Variants in VPS13B observed in about 807,000 individuals in gnomAD.
VPS13B encodes the protein intermembrane lipid transfer protein VPS13B.
VPS13B carries 285 observed loss-of-function variants against 426.4 expected under a neutral mutation model. That is an observed-to-expected ratio of 0.67 (90% CI 0.61 to 0.74). The LOEUF is 0.74. VPS13B is among the 30% of genes least tolerant of loss of function. The probability of loss-of-function intolerance (pLI) is 0.00; values close to 1 mark genes in which losing one functional copy is unlikely to be tolerated. For missense variants in VPS13B, 4,537 were observed against 4,782.6 expected, an observed-to-expected ratio of 0.95 and a Z score of 1.51; for synonymous variants, 1,676 against 1,676.4, an observed-to-expected ratio of 1.00 and a Z score of 0.01.
At chr8:99,281,579 T>C (rs4446702) in intron 19 of VPS13B, among the ~76,000 whole-genome samples, 126,387 of 152,196 alleles carry the variant, frequency 0.83, 53,029 homozygotes, top group African/African-American at 0.89. Context: ...AACGTGCACA[T>C]CATCACCTCT....
chr8:99,804,574 T>A (rs1190202631), intron 43 of VPS13B, among the ~76,000 whole-genome samples: 5 of 152,242 alleles, frequency 3.3e-5, no homozygotes. Flanking sequence ...ATATCACCAC[T>A]GACATTTTAA....
At chr8:99,034,020 G>T (rs1440560331) in intron 2 of VPS13B, among the ~76,000 whole-genome samples, 1 of 152,096 alleles carries the variant, frequency 6.6e-6, no homozygotes, top group Non-Finnish European at 1.5e-5. Flanking sequence ...TGTTTCTATT[G>T]ACTATTTTTA....
At chr8:99,722,257 A>T (rs1172472169) in intron 39 of VPS13B, among the ~76,000 whole-genome samples, 1 of 152,162 alleles carries the variant, frequency 6.6e-6, no homozygotes, top group African/African-American at 2.4e-5. Flanking sequence ...TTCATTCTGT[A>T]TTGCATTTCC....
intron 21 of VPS13B, among the ~76,000 whole-genome samples, chr8:99,412,069 T>G (rs980923449): frequency 1.3e-5 from 2 of 152,360 alleles, no homozygotes; most frequent in Non-Finnish European, 2.9e-5. Context: ...AAAGTAGTTT[T>G]TTTATAATTC....
chr8:99,585,438 A>G (rs1420644603), intron 33 of VPS13B, among the ~76,000 whole-genome samples: 1 of 152,214 alleles, frequency 6.6e-6, no homozygotes, highest in Non-Finnish European at 1.5e-5. Flanking sequence ...ACAATCCTCA[A>G]CAAAATGCTA....
chr8:99,676,661 C>T (rs1051004734), intron 35 of VPS13B, among the ~76,000 whole-genome samples: 7 of 151,592 alleles, frequency 4.6e-5, no homozygotes, highest in Non-Finnish European at 8.8e-5. Flanking sequence ...GTACTGTGAT[C>T]GCTCACCTCA....
chr8:99,043,125 T>G (rs1843049890), intron 3 of VPS13B, among the ~76,000 whole-genome samples: 2 of 152,154 alleles, frequency 1.3e-5, no homozygotes, highest in Non-Finnish European at 1.5e-5. Flanking sequence ...TTTCCATACT[T>G]TCACAGGACG....
rs536451148 is a variant in VPS13B, at chr8:99,713,504, A to G, written c.6455-3667A>G. 2.6e-5 allele frequency among the ~76,000 whole-genome samples: 4 copies of G among 152,372 alleles called. No individual in the cohort carries two copies. The South Asian group carries it at 8.3e-4, about 32-fold the overall frequency. ...TACAAATAAGGAAGGCGAGAAGACT[A>G]GAAACCACCCTGTGATGTTGGATTT... On this transcript the variant is annotated intron_variant, in intron 36 of 61. Coordinates refer to ENST00000357162, the MANE Select transcript of VPS13B (RefSeq NM_152564.5).
At chr8:99,264,064 G>T (rs1279611215) in intron 17 of VPS13B, among the ~76,000 whole-genome samples, 4 of 151,860 alleles carry the variant, frequency 2.6e-5, no homozygotes, top group Non-Finnish European at 4.4e-5. Context: ...TAACTGTCTT[G>T]GAGTTAATAA....
chr8:99,729,676 G>A (rs964470456), intron 39 of VPS13B, among the ~76,000 whole-genome samples: 4 of 152,178 alleles, frequency 2.6e-5, no homozygotes, highest in Non-Finnish European at 5.9e-5. Flanking sequence ...ACAATGTAAT[G>A]TTTAATGTCT....
intron 21 of VPS13B, among the ~76,000 whole-genome samples, chr8:99,396,586 A>G (rs1441337739): frequency 6.6e-6 from 1 of 151,366 alleles, no homozygotes; most frequent in Non-Finnish European, 1.5e-5. Context: ...CTACTATTTC[A>G]TCTCTAATAC....
intron 19 of VPS13B, among the ~76,000 whole-genome samples, chr8:99,287,125 T>C (rs755230180): frequency 7.2e-5 from 11 of 152,174 alleles, no homozygotes; most frequent in Non-Finnish European, 1.6e-4. Flanking sequence ...TAATGTGTTC[T>C]AACTTCTAAG....
At chr8:99,631,552 A>G (rs1465885410) in intron 33 of VPS13B, among the ~76,000 whole-genome samples, 3 of 152,120 alleles carry the variant, frequency 2.0e-5, no homozygotes, top group Admixed American at 6.6e-5. Context: ...AAGCTTTGGC[A>G]TAACACATAG....
intron 15 of VPS13B, among the ~76,000 whole-genome samples, 153 bp downstream of exon 15, chr8:99,156,896 TAAAG>T (rs774388940): frequency 2.6e-5 from 4 of 152,316 alleles, no homozygotes; most frequent in Non-Finnish European, 5.9e-5. Flanking sequence ...TCCAATAAAT[TAAAG>T]TAAGTAATAA....
intron 17 of VPS13B, among the ~76,000 whole-genome samples, chr8:99,236,937 GAA>G (rs1403772278): frequency 1.3e-5 from 2 of 152,198 alleles, no homozygotes; most frequent in Non-Finnish European, 2.9e-5. Context: ...ATCTCATCTT[GAA>G]TTCCCACGTG....
At chr8:99,700,784 TG>T (rs1269010429) in intron 36 of VPS13B, among the ~76,000 whole-genome samples, 1 of 152,040 alleles carries the variant, frequency 6.6e-6, no homozygotes, top group Non-Finnish European at 1.5e-5. Flanking sequence ...AAGACACAGG[TG>T]GGAAATAGCA....
chr8:99,232,911 T>G lies in VPS13B; in HGVS notation c.2515+39854T>G, dbSNP rs953275492. The G allele has an allele frequency of 8.6e-6, 5 of 581,140 alleles. No homozygotes were observed. The African/African-American group carries it at 9.4e-5, about 11-fold the overall frequency. The allele number at this position is 581,140 out of a possible 1,614,324, so 36.0% of individuals were successfully genotyped here. ...ATTCTCAGGGCCTCTGCAGAGTCCC[T>G]GGCCGCCTCCGCAGACTTCTCATTC... On this transcript the variant is annotated intron_variant, in intron 17 of 61. Coordinates refer to ENST00000357162, the MANE Select transcript of VPS13B (RefSeq NM_152564.5).
chr8:99,349,898 G>A (rs1465294487), intron 19 of VPS13B, among the ~76,000 whole-genome samples: 1 of 151,912 alleles, frequency 6.6e-6, no homozygotes, highest in African/African-American at 2.4e-5. Flanking sequence ...ACAGTGGATG[G>A]CAAAAATATA....
chr8:99,439,339 G>A (rs181145111), intron 22 of VPS13B, among the ~76,000 whole-genome samples: 16 of 152,160 alleles, frequency 1.1e-4, no homozygotes, highest in Middle Eastern at 3.4e-3. Flanking sequence ...TTATGTTCTC[G>A]TGAGAATTCT....
Sources: allele counts gnomAD v4.1 joint callset (sites outside exome capture counted in the v4.1 genomes callset), GRCh38; gene constraint gnomAD v4.1.1; transcripts MANE v1.5; gene names NCBI Gene and HGNC (gene_info 2026-07-23, HGNC 2026-07-21).